The following ASTN2 variants were observed in gnomAD, a reference collection of about 807,000 sequenced individuals.
ASTN2 encodes astrotactin 2.
Under a neutral mutation model 139.8 loss-of-function variants are expected in ASTN2, and 54 were observed. The observed-to-expected ratio is 0.39, with a 90% CI of 0.31 to 0.48. The LOEUF (loss-of-function observed/expected upper bound fraction) is 0.48. ASTN2 is among the 20% of genes least tolerant of loss of function. The pLI, the probability that ASTN2 is intolerant of heterozygous loss-of-function variation, is 0.95. For missense variants in ASTN2, 1,565 were observed against 1,725.1 expected, an observed-to-expected ratio of 0.91 and a Z score of 1.64; for synonymous variants, 756 against 719.5, an observed-to-expected ratio of 1.05 and a Z score of -0.81.
chr9:116,663,501 T>C (rs1399162530), intron 16 of ASTN2, among the ~76,000 whole-genome samples: 1 of 152,170 alleles, frequency 6.6e-6, no homozygotes, highest in Non-Finnish European at 1.5e-5. Context: ...AAAATACTCA[T>C]GTTAAAAGAC....
chr9:116,602,803 A>G (rs1455779673), intron 19 of ASTN2, among the ~76,000 whole-genome samples: 1 of 152,120 alleles, frequency 6.6e-6, no homozygotes, highest in Non-Finnish European at 1.5e-5. Flanking sequence ...GGTGGCATGC[A>G]TCTACAGTCC....
intron 1 of ASTN2, among the ~76,000 whole-genome samples, chr9:117,304,735 G>A (rs1200344304): frequency 6.6e-6 from 1 of 152,162 alleles, no homozygotes; most frequent in South Asian, 2.1e-4. Flanking sequence ...TTATGACGTG[G>A]TGCTGGAGCA....
At chr9:116,508,795 C>A (rs1850227287) in intron 19 of ASTN2, among the ~76,000 whole-genome samples, 1 of 151,916 alleles carries the variant, frequency 6.6e-6, no homozygotes, top group African/African-American at 2.4e-5. Context: ...TCTCTATACA[C>A]AAGACAAAAG....
At chr9:116,741,075 A>G (rs17292645) in intron 13 of ASTN2, among the ~76,000 whole-genome samples, 18,459 of 152,074 alleles carry the variant, frequency 0.12, 1,500 homozygotes, top group Non-Finnish European at 0.18. Context: ...CCATGCTGAC[A>G]GCAAAGACAA....
chr9:117,110,113 CT>C (rs1829213821), intron 4 of ASTN2, among the ~76,000 whole-genome samples: 1 of 151,998 alleles, frequency 6.6e-6, no homozygotes, highest in Non-Finnish European at 1.5e-5. Context: ...AATTTTTCAT[CT>C]TTTGAAATAA....
chr9:116,525,237 A>G (rs1851040611), intron 19 of ASTN2, among the ~76,000 whole-genome samples: 2 of 152,352 alleles, frequency 1.3e-5, no homozygotes, highest in Middle Eastern at 3.4e-3. Context: ...TGAACTTTAC[A>G]TAAATGATTT....
At chr9:117,299,550 C>A (rs1834824881) in intron 1 of ASTN2, among the ~76,000 whole-genome samples, 2 of 152,098 alleles carry the variant, frequency 1.3e-5, no homozygotes, top group Non-Finnish European at 2.9e-5. Flanking sequence ...GGAAGGAAGG[C>A]AAGAAGGTCA....
At chr9:116,500,293 A>C (rs1307816081) in intron 19 of ASTN2, among the ~76,000 whole-genome samples, 1 of 152,204 alleles carries the variant, frequency 6.6e-6, no homozygotes, top group Non-Finnish European at 1.5e-5. Flanking sequence ...GTGCATGATG[A>C]GGTGGGCACA....
intron 3 of ASTN2, among the ~76,000 whole-genome samples, chr9:117,188,838 C>T (rs1381150297): frequency 6.6e-6 from 1 of 152,094 alleles, no homozygotes; most frequent in Non-Finnish European, 1.5e-5. Flanking sequence ...TTGAGAGTCC[C>T]ATGGGAGCCA....
chr9:116,603,761 T>C (rs1265852776), intron 19 of ASTN2, among the ~76,000 whole-genome samples: 1 of 152,166 alleles, frequency 6.6e-6, no homozygotes, highest in Non-Finnish European at 1.5e-5. Flanking sequence ...AAGGAGATTC[T>C]GGTGAGTGAA....
At chr9:117,293,385 A>T (rs1834644154) in intron 1 of ASTN2, among the ~76,000 whole-genome samples, 1 of 152,050 alleles carries the variant, frequency 6.6e-6, no homozygotes. Context: ...CCCTCCATTT[A>T]CAGTCTTTGC....
At chr9:116,841,238 G>A (rs1974058) in intron 11 of ASTN2, among the ~76,000 whole-genome samples, 29,781 of 151,944 alleles carry the variant, frequency 0.2, 3,297 homozygotes, top group East Asian at 0.49. Flanking sequence ...CCAGTCAGGC[G>A]TGGCGGCGTG....
chr9:117,215,503 T>C (rs1426811602), intron 2 of ASTN2, among the ~76,000 whole-genome samples: 2 of 124,646 alleles, frequency 1.6e-5, no homozygotes, highest in Non-Finnish European at 3.4e-5. Flanking sequence ...TATATACATT[T>C]TTTTCTTTGA....
intron 3 of ASTN2, among the ~76,000 whole-genome samples, chr9:117,212,717 A>G (rs920481373): frequency 2.0e-5 from 3 of 152,222 alleles, no homozygotes; most frequent in African/African-American, 7.2e-5. Flanking sequence ...AGGTAAATGC[A>G]AATCAAAAAC....
intron 3 of ASTN2, among the ~76,000 whole-genome samples, chr9:117,157,259 G>T (rs1428749221): frequency 6.6e-6 from 1 of 151,918 alleles, no homozygotes; most frequent in East Asian, 1.9e-4. Flanking sequence ...ACAGAGGAGG[G>T]AAGCAGAAAG....
intron 1 of ASTN2, among the ~76,000 whole-genome samples, chr9:117,378,469 C>G (rs1027723304): frequency 3.9e-5 from 6 of 152,238 alleles, no homozygotes; most frequent in Non-Finnish European, 8.8e-5. Context: ...CTTTTCCACA[C>G]TGAGCCTTTG....
At chr9:117,238,121 A>G (rs1269371088) in intron 2 of ASTN2, among the ~76,000 whole-genome samples, 1 of 152,112 alleles carries the variant, frequency 6.6e-6, no homozygotes, top group Middle Eastern at 3.2e-3. Flanking sequence ...CTGTTTTAAT[A>G]ATGATACCCC....
intron 19 of ASTN2, among the ~76,000 whole-genome samples, chr9:116,495,790 C>T (rs1160979665): frequency 1.3e-5 from 2 of 152,158 alleles, no homozygotes; most frequent in African/African-American, 2.4e-5. Flanking sequence ...TATCATAAAA[C>T]GCTGCCTAGG....
At chr9:117,083,589 C>A (rs114795765) in intron 5 of ASTN2, among the ~76,000 whole-genome samples, 1 of 152,054 alleles carries the variant, frequency 6.6e-6, no homozygotes, top group African/African-American at 2.4e-5. Flanking sequence ...CGTCTCACAG[C>A]GTTGGGAAGA....
Sources: allele counts gnomAD v4.1 joint callset (sites outside exome capture counted in the v4.1 genomes callset), GRCh38; gene constraint gnomAD v4.1.1; transcripts MANE v1.5; gene names NCBI Gene and HGNC (gene_info 2026-07-23, HGNC 2026-07-21).